Variants in SESTD1 observed in about 807,000 individuals in gnomAD.
SESTD1 encodes SEC14 and spectrin domain containing 1, also known as SEC14 domain and spectrin repeat-containing protein 1.
Under a neutral mutation model 101.7 loss-of-function variants are expected in SESTD1, and 43 were observed. The ratio of observed to expected loss-of-function variants is 0.42; its 90% CI spans 0.33 to 0.55. SESTD1 has a LOEUF of 0.55. Among genes scored for constraint, SESTD1 ranks in the 20% least tolerant of loss-of-function variants. SESTD1 has a pLI of 0.07. For synonymous variants in SESTD1, 283 were observed against 286.8 expected, an observed-to-expected ratio of 0.99 and a Z score of 0.13; for missense variants, 647 against 815.1, an observed-to-expected ratio of 0.79 and a Z score of 2.51.
chr2:179,197,613 T>G (rs1448207354), intron 1 of SESTD1, among the ~76,000 whole-genome samples: 4 of 152,358 alleles, frequency 2.6e-5, no homozygotes, highest in South Asian at 4.1e-4. Flanking sequence ...CAGATCTCTC[T>G]GCAGAAACTC....
chr2:179,219,918 A>C (rs2046789369), intron 1 of SESTD1, among the ~76,000 whole-genome samples: 1 of 152,196 alleles, frequency 6.6e-6, no homozygotes, highest in Non-Finnish European at 1.5e-5. Flanking sequence ...TCACCGAATA[A>C]TATCATTTTT....
intron 12 of SESTD1, among the ~76,000 whole-genome samples, chr2:179,122,820 G>C (rs886359087): frequency 6.6e-6 from 1 of 152,132 alleles, no homozygotes; most frequent in African/African-American, 2.4e-5. Flanking sequence ...CACTTGAATC[G>C]GGGAGGCAGA....
chr2:179,225,387 C>T (rs1260041627), intron 1 of SESTD1, among the ~76,000 whole-genome samples: 1 of 151,594 alleles, frequency 6.6e-6, no homozygotes. Context: ...TAATAAAAGT[C>T]TTTGACATCC....
intron 5 of SESTD1, among the ~76,000 whole-genome samples, chr2:179,158,904 A>C (rs1470374548): frequency 6.6e-6 from 1 of 152,224 alleles, no homozygotes; most frequent in African/African-American, 2.4e-5. Context: ...TCACAATCAC[A>C]ATAATTTCCA....
At chr2:179,114,636 AT>A (rs111648585) in intron 16 of SESTD1, among the ~76,000 whole-genome samples, 4 of 152,006 alleles carry the variant, frequency 2.6e-5, no homozygotes, top group Non-Finnish European at 5.9e-5. Context: ...CCTTATTCTT[AT>A]TTTTTTAATG....
chr2:179,113,961 C>A (rs10803924), intron 16 of SESTD1, among the ~76,000 whole-genome samples: 1 of 150,416 alleles, frequency 6.6e-6, no homozygotes, highest in Non-Finnish European at 1.5e-5. Flanking sequence ...TGTGATTACA[C>A]AGGGTGGGGG....
chr2:179,236,321 C>CT lies in SESTD1; in HGVS notation c.-26+28177dup, dbSNP rs1252921401. 2.9e-5 allele frequency among the ~76,000 whole-genome samples: 3 copies of CT among 102,984 alleles called. No individual in the cohort carries two copies. The Admixed American group carries it at 3.5e-4, about 12-fold the overall frequency. 67.6% of individuals were successfully genotyped at this position (102,984 alleles called of 152,430 possible). A position where few individuals can be genotyped will look rare whatever the true frequency, so the allele number is the denominator to read the frequency against. ...TGGGCAACATAGTGAGACCTCATCT[C>CT]TTAAAAAAAAAAAAAAAAAAAAAAA... On this transcript the variant is annotated intron_variant, in intron 1 of 17. Coordinates refer to ENST00000428443, the MANE Select transcript of SESTD1 (RefSeq NM_178123.5).
intron 1 of SESTD1, among the ~76,000 whole-genome samples, chr2:179,234,013 C>G (rs1459339900): frequency 6.6e-6 from 1 of 152,176 alleles, no homozygotes; most frequent in African/African-American, 2.4e-5. Flanking sequence ...TAAGGGTGTT[C>G]TGGATAAGAT....
chr2:179,223,114 T>G (rs1199951764), intron 1 of SESTD1, among the ~76,000 whole-genome samples: 2 of 151,838 alleles, frequency 1.3e-5, no homozygotes, highest in Non-Finnish European at 2.9e-5. Context: ...GCAATACAAA[T>G]GAATGAAAAC....
intron 3 of SESTD1, among the ~76,000 whole-genome samples, chr2:179,178,054 AGAGT>A (rs1249108825): frequency 1.3e-5 from 2 of 152,220 alleles, no homozygotes; most frequent in East Asian, 1.9e-4. Flanking sequence ...GGAAGAATGG[AGAGT>A]GAGTGCCAAT....
chr2:179,146,583 T>C (rs1367998091), intron 7 of SESTD1, 126 bp from the exon 8 acceptor site: 2 of 708,172 alleles, frequency 2.8e-6, no homozygotes, highest in East Asian at 5.7e-5. Context: ...CATACCATCC[T>C]ACCATGCTAA....
At chr2:179,175,684 C>T (rs1172940401) in intron 4 of SESTD1, among the ~76,000 whole-genome samples, 1 of 152,200 alleles carries the variant, frequency 6.6e-6, no homozygotes, top group African/African-American at 2.4e-5. Flanking sequence ...TGCATGAGAG[C>T]AATCTGCCCT....
chr2:179,241,916 T>A (rs2047159693), intron 1 of SESTD1, among the ~76,000 whole-genome samples: 2 of 145,438 alleles, frequency 1.4e-5, no homozygotes, highest in African/African-American at 2.6e-5. Context: ...AGCGAGACAT[T>A]GTCTCATAAA....
intron 2 of SESTD1, among the ~76,000 whole-genome samples, chr2:179,184,551 T>C (rs994274672): frequency 2.6e-5 from 4 of 151,572 alleles, no homozygotes; most frequent in African/African-American, 9.7e-5. Flanking sequence ...AGAATATGTG[T>C]CATTTCTCAA....
intron 1 of SESTD1, among the ~76,000 whole-genome samples, chr2:179,248,599 G>T (rs1319574188): frequency 1.3e-5 from 2 of 151,830 alleles, no homozygotes; most frequent in East Asian, 3.9e-4. Flanking sequence ...ACAAGCTAAA[G>T]GAGGTAACAA....
chr2:179,136,389 G>C lies in SESTD1; in HGVS notation c.850-3963C>G, dbSNP rs1228037943. On this transcript the variant is annotated intron_variant, in intron 9 of 17. Transcript: ENST00000428443. Reference sequence around the variant, plus strand: ...CTGCATTTTACAATAACAACCCTGAGTTTCTTGAGAAAGTCCCTGAACTAC... The same window carrying C: ...CTGCATTTTACAATAACAACCCTGACTTTCTTGAGAAAGTCCCTGAACTAC... Among the ~76,000 whole-genome samples the C allele has an allele frequency of 2.0e-5, 3 of 152,110 alleles. No individual in the cohort carries two copies. In the East Asian group the frequency reaches 5.8e-4, roughly 29 times the overall value.
chr2:179,133,518 T>G (rs890506786), intron 9 of SESTD1, among the ~76,000 whole-genome samples: 6 of 152,166 alleles, frequency 3.9e-5, no homozygotes, highest in African/African-American at 1.4e-4. Flanking sequence ...TACAAACACA[T>G]TGTGGAGTAA....
intron 3 of SESTD1, among the ~76,000 whole-genome samples, chr2:179,177,493 C>A (rs6433767): frequency 0.81 from 123,385 of 152,056 alleles, 50,218 homozygotes; most frequent in South Asian, 0.92. Flanking sequence ...AAATCCACCA[C>A]CAGTTCAGGG....
intron 1 of SESTD1, among the ~76,000 whole-genome samples, chr2:179,246,084 G>A (rs1168307333): frequency 4.0e-5 from 6 of 151,892 alleles, no homozygotes; most frequent in South Asian, 4.2e-4. Flanking sequence ...TCGAAACCCC[G>A]TCTCTACTAA....
Sources: gnomAD v4.1 joint callset for allele counts (sites outside exome capture counted in the v4.1 genomes callset) on GRCh38, gnomAD v4.1.1 for gene constraint, MANE v1.5 for transcripts, NCBI Gene and HGNC (gene_info 2026-07-23, HGNC 2026-07-21) for gene names.